Variants in EYS observed in about 807,000 individuals in gnomAD.
EYS encodes the protein EGF-like photoreceptor maintenance factor.
Under a neutral mutation model 282.1 loss-of-function variants are expected in EYS, and 250 were observed. That is an observed-to-expected ratio of 0.89 (90% CI 0.80 to 0.98). The LOEUF is 0.98. Among genes scored for constraint, EYS ranks in the 50% least tolerant of loss-of-function variants. EYS has a pLI of 0.00. For missense variants in EYS, 4,016 were observed against 3,709.0 expected, an observed-to-expected ratio of 1.08 and a Z score of -2.15; for synonymous variants, 1,355 against 1,282.9, an observed-to-expected ratio of 1.06 and a Z score of -1.20.
At chr6:64,783,137 A>C (rs1282520585) in intron 22 of EYS, among the ~76,000 whole-genome samples, 1 of 152,220 alleles carries the variant, frequency 6.6e-6, no homozygotes, top group Non-Finnish European at 1.5e-5. Context: ...CTTGGTCATC[A>C]GATTGACTGT....
intron 12 of EYS, among the ~76,000 whole-genome samples, chr6:65,059,315 A>G (rs565948497): frequency 8.5e-5 from 13 of 152,140 alleles, no homozygotes; most frequent in Non-Finnish European, 1.9e-4. Flanking sequence ...GTTTGACTCC[A>G]TTGTAACAAT....
chr6:64,345,220 C>G (rs1253207656), intron 29 of EYS, among the ~76,000 whole-genome samples: 1 of 151,986 alleles, frequency 6.6e-6, no homozygotes, highest in African/African-American at 2.4e-5. Context: ...CATATGGAAC[C>G]AAAAAAGAGC....
intron 24 of EYS, among the ~76,000 whole-genome samples, chr6:64,609,895 T>C (rs547331645): frequency 3.7e-4 from 56 of 150,828 alleles, no homozygotes; most frequent in Non-Finnish European, 7.4e-4. Flanking sequence ...TAAATATATA[T>C]ATTTAGTTAT....
intron 35 of EYS, among the ~76,000 whole-genome samples, chr6:63,977,297 G>A (rs1302330879): frequency 1.3e-5 from 2 of 151,866 alleles, no homozygotes. Context: ...TTTGTGTCAA[G>A]AACATTCCAA....
chr6:65,277,249 A>T (rs894403800), intron 12 of EYS, among the ~76,000 whole-genome samples: 2 of 152,080 alleles, frequency 1.3e-5, no homozygotes, highest in African/African-American at 2.4e-5. Context: ...CCTGGCCAAC[A>T]TGATGAAACA....
chr6:64,038,422 A>G (rs970172720), intron 33 of EYS, among the ~76,000 whole-genome samples: 5 of 152,332 alleles, frequency 3.3e-5, no homozygotes, highest in East Asian at 1.9e-4. Flanking sequence ...CATGTTGTAC[A>G]TGATAAATAT....
At chr6:65,696,206 T>G (rs1769450503) in intron 1 of EYS, among the ~76,000 whole-genome samples, 2 of 151,974 alleles carry the variant, frequency 1.3e-5, no homozygotes, top group South Asian at 4.1e-4. Context: ...CTGTTCTGAT[T>G]AAACATTTTC....
At chr6:64,828,027 G>T (rs1765107776) in intron 19 of EYS, among the ~76,000 whole-genome samples, 1 of 147,562 alleles carries the variant, frequency 6.8e-6, no homozygotes, top group Non-Finnish European at 1.5e-5. Flanking sequence ...CATAAAAGGT[G>T]GATAGATGAC....
Position 64,743,108 on chromosome 6 carries a change from C to T in EYS, c.3443+70270G>A, listed in dbSNP as rs546565231. On this transcript the variant is annotated intron_variant, in intron 22 of 42. Coordinates refer to ENST00000503581, the MANE Select transcript of EYS (RefSeq NM_001142800.2). ...TCTTCTAGTGAAATGAGATGGAAAC[C>T]GAGGTGACATTCAAGCAGAAACAAA... 9.9e-5 allele frequency among the ~76,000 whole-genome samples: 15 copies of T among 151,872 alleles called. No individual in the cohort carries two copies. The East Asian group carries it at 2.3e-3, about 24-fold the overall frequency.
At chr6:63,763,808 A>G (rs1350784679) in intron 40 of EYS, among the ~76,000 whole-genome samples, 1 of 150,792 alleles carries the variant, frequency 6.6e-6, no homozygotes, top group Non-Finnish European at 1.5e-5. Flanking sequence ...GGACTAATAC[A>G]TGTCCCATGC....
chr6:65,446,193 T>C (rs1768650283), intron 5 of EYS, among the ~76,000 whole-genome samples: 1 of 151,718 alleles, frequency 6.6e-6, no homozygotes, highest in South Asian at 2.1e-4. Flanking sequence ...CAAGAGATAA[T>C]ACATCAATAT....
chr6:64,320,306 C>G lies in EYS; in HGVS notation c.6079-13224G>C, dbSNP rs535931967. 7.9e-5 allele frequency among the ~76,000 whole-genome samples: 12 copies of G among 151,914 alleles called. No homozygotes were observed. In the East Asian group the frequency reaches 2.3e-3, roughly 29 times the overall value. On this transcript the variant is annotated intron_variant, in intron 29 of 42. Coordinates refer to ENST00000503581, the MANE Select transcript of EYS (RefSeq NM_001142800.2). ...TTATTTATCTCTCCATCTTTTGGAA[C>G]TCCAGTTACTTGAAATTTTTATCTG...
intron 36 of EYS, among the ~76,000 whole-genome samples, chr6:63,836,841 G>A (rs1468305964): frequency 6.6e-6 from 1 of 151,994 alleles, no homozygotes; most frequent in African/African-American, 2.4e-5. Context: ...ATATTTAGTA[G>A]TCTGCTAACA....
chr6:63,821,158 C>A (rs1771312667), intron 36 of EYS: 4 of 150,232 alleles, frequency 2.7e-5, no homozygotes. Flanking sequence ...CCTTTCTCAT[C>A]AAATGTATTC....
At chr6:63,912,283 A>C (rs1764273321) in intron 35 of EYS, among the ~76,000 whole-genome samples, 1 of 152,118 alleles carries the variant, frequency 6.6e-6, no homozygotes, top group Non-Finnish European at 1.5e-5. Context: ...TTTGTTTAGT[A>C]CTCAAATTTC....
At chr6:64,908,072 A>G (rs1406260994) in intron 16 of EYS, among the ~76,000 whole-genome samples, 2 of 152,168 alleles carry the variant, frequency 1.3e-5, no homozygotes, top group Admixed American at 6.5e-5. Context: ...TGTATCCACA[A>G]CTTGTCATCC....
intron 31 of EYS, among the ~76,000 whole-genome samples, chr6:64,182,980 G>T (rs1052879447): frequency 6.6e-6 from 1 of 152,036 alleles, no homozygotes; most frequent in African/African-American, 2.4e-5. Flanking sequence ...ACCTTGAATT[G>T]TAGTTCCCAT....
chr6:63,824,390 A>G (rs1771401237), intron 36 of EYS, among the ~76,000 whole-genome samples: 1 of 152,234 alleles, frequency 6.6e-6, no homozygotes, highest in South Asian at 2.1e-4. Context: ...AGAAAAAGGA[A>G]GATCATTCAA....
At chr6:64,689,529 A>G (rs1190306467) in intron 22 of EYS, among the ~76,000 whole-genome samples, 2 of 152,192 alleles carry the variant, frequency 1.3e-5, no homozygotes, top group Non-Finnish European at 2.9e-5. Flanking sequence ...GACAATCCTA[A>G]GCCAAAAGAA....
Sources: gnomAD v4.1 joint callset for allele counts (sites outside exome capture counted in the v4.1 genomes callset) on GRCh38, gnomAD v4.1.1 for gene constraint, MANE v1.5 for transcripts, NCBI Gene and HGNC (gene_info 2026-07-23, HGNC 2026-07-21) for gene names.